Variants in RABGEF1 observed in about 807,000 individuals in gnomAD.
The protein encoded by RABGEF1 is rab5 GDP/GTP exchange factor.
RABGEF1 carries 26 observed loss-of-function variants against 57.3 expected under a neutral mutation model. The observed-to-expected ratio is 0.45, with a 90% CI of 0.33 to 0.63. The LOEUF (loss-of-function observed/expected upper bound fraction) is 0.63. RABGEF1 is among the 20% of genes least tolerant of loss of function. The pLI is 0.02. For missense variants in RABGEF1, 464 were observed against 607.6 expected (o/e 0.76, Z 2.48); for synonymous variants, 185 against 210.7 (o/e 0.88, Z 1.06).
intron 3 of RABGEF1, among the ~76,000 whole-genome samples, chr7:66,783,226 C>T (rs1446461876): frequency 6.6e-6 from 1 of 152,168 alleles, no homozygotes; most frequent in Non-Finnish European, 1.5e-5. Flanking sequence ...GCTTTTTTCT[C>T]AAGTAAAATG....
the RABGEF1 span, among the ~76,000 whole-genome samples, chr7:66,659,453 A>G: frequency 2.0e-5 from 3 of 147,292 alleles, no homozygotes; most frequent in African/African-American, 7.4e-5. Flanking sequence ...CTCCATCTCA[A>G]AAAAAAAAAA....
chr7:66,673,804 AG>A, the RABGEF1 span, among the ~76,000 whole-genome samples: 61 of 152,060 alleles, frequency 4.0e-4, no homozygotes, highest in African/African-American at 1.3e-3. Context: ...ACTTGAGCCC[AG>A]GAGTTAGAGG....
At chr7:66,669,053 C>T in the RABGEF1 span, 7 of 152,208 alleles carry the variant, frequency 4.6e-5, no homozygotes, top group South Asian at 4.1e-4. Context: ...CTCAGCAACC[C>T]GGGAGGGCAT....
chr7:66,786,821 T>C (rs62464648), intron 4 of RABGEF1, among the ~76,000 whole-genome samples: 6,009 of 152,326 alleles, frequency 0.039, 167 homozygotes, highest in East Asian at 0.086. Flanking sequence ...CTTACAGTAC[T>C]TCTATACATT....
chr7:66,761,710 T>C (rs1583839599), intron 1 of RABGEF1, among the ~76,000 whole-genome samples: 1 of 151,566 alleles, frequency 6.6e-6, no homozygotes, highest in African/African-American at 2.4e-5. Flanking sequence ...AAAAGGAGGG[T>C]AGGAGAAAGA....
chr7:66,662,902 T>C, the RABGEF1 span, among the ~76,000 whole-genome samples: 1,520 of 150,046 alleles, frequency 0.01, 13 homozygotes, highest in Middle Eastern at 0.035. Context: ...CAGGTGTGCA[T>C]GTGCAAGGTG....
At chr7:66,705,196 T>C (rs1373862403) in intron 1 of RABGEF1, among the ~76,000 whole-genome samples, 1 of 151,584 alleles carries the variant, frequency 6.6e-6, no homozygotes, top group Non-Finnish European at 1.5e-5. Flanking sequence ...AGGTCAGGAG[T>C]TCGAAACAAG....
intron 2 of RABGEF1, chr7:66,774,016 A>C (rs553338011): frequency 9.8e-6 from 3 of 304,694 alleles, no homozygotes; most frequent in Non-Finnish European, 6.5e-6. Flanking sequence ...TCCAAAGCCA[A>C]ATTTATTGCT....
At chr7:66,671,601 TA>T in the RABGEF1 span, among the ~76,000 whole-genome samples, 3 of 152,136 alleles carry the variant, frequency 2.0e-5, no homozygotes, top group South Asian at 6.2e-4. Flanking sequence ...AAGTCTTTTT[TA>T]AAAAACCTCT....
intron 2 of RABGEF1, among the ~76,000 whole-genome samples, chr7:66,719,999 T>G (rs1444760946): frequency 1.3e-5 from 2 of 151,990 alleles, no homozygotes; most frequent in South Asian, 2.1e-4. Flanking sequence ...ATAAAAGAGA[T>G]AAAATATCAA....
intron 1 of RABGEF1, among the ~76,000 whole-genome samples, chr7:66,771,639 T>A (rs1284344335): frequency 1.3e-5 from 2 of 148,328 alleles, no homozygotes; most frequent in South Asian, 2.1e-4. Flanking sequence ...CTTAATTTTT[T>A]ATTTTTTATT....
chr7:66,707,341 T>G (rs1291643230), intron 1 of RABGEF1, among the ~76,000 whole-genome samples: 1 of 152,126 alleles, frequency 6.6e-6, no homozygotes, highest in East Asian at 1.9e-4. Flanking sequence ...GTTCGTTAGG[T>G]CTGGTTGGCA....
At chr7:66,797,643 A>T in intron 6 of RABGEF1, 137 bp downstream of exon 6, 1 of 970,952 alleles carries the variant, frequency 1.0e-6, no homozygotes, top group Non-Finnish European at 1.5e-6. Flanking sequence ...GAGTGGAAGC[A>T]GCTCTGTTGT....
chr7:66,756,078 G>T (rs1480297879), intron 1 of RABGEF1: 9 of 1,480,580 alleles, frequency 6.1e-6, no homozygotes, highest in African/African-American at 5.6e-5. Context: ...TACCATGAAG[G>T]TGAGTACTGA....
At position 66,809,027 on chromosome 7, in the gene RABGEF1, G is replaced by T. The variant is rs569900333; in HGVS notation, c.1219G>T (p.Val407Phe). 1.2e-6 allele frequency: 2 copies of T among 1,614,104 alleles called. No individual in the cohort carries two copies. The highest frequency in any genetic ancestry group is 2.7e-5 in the African/African-American group (2 of 75,004). The change falls in exon 9 of 9, where the codon GTC (valine) becomes TTC (phenylalanine). Residue 407 changes from valine (V) to phenylalanine (F), a missense_variant. By Grantham distance (50) the Val-to-Phe change is conservative. Coordinates refer to ENST00000284957, the MANE Select transcript of RABGEF1 (RefSeq NM_014504.3). The part of the protein sequence containing the change: ...ESWSPDACLG[V>F]KQMYKNLDLL... Reference sequence around the variant, plus strand: ...TTGGTCTCCTGATGCTTGCTTAGGCGTCAAGCAAATGTATAAGAACTTGGA... The same window carrying T: ...TTGGTCTCCTGATGCTTGCTTAGGCTTCAAGCAAATGTATAAGAACTTGGA...
chr7:66,695,519 C>T (rs1792192042), intron 1 of RABGEF1, among the ~76,000 whole-genome samples: 1 of 152,212 alleles, frequency 6.6e-6, no homozygotes, highest in Non-Finnish European at 1.5e-5. Flanking sequence ...ACAAGAGTTG[C>T]TGCAGCCCCT....
chr7:66,763,102 G>C (rs1413806199), intron 1 of RABGEF1, among the ~76,000 whole-genome samples: 1 of 152,168 alleles, frequency 6.6e-6, no homozygotes, highest in South Asian at 2.1e-4. Context: ...GCCTCAATCA[G>C]TCGTCCTACT....
intron 1 of RABGEF1, among the ~76,000 whole-genome samples, chr7:66,747,190 G>A (rs1052626770): frequency 4.6e-5 from 7 of 152,186 alleles, no homozygotes; most frequent in African/African-American, 1.7e-4. Context: ...TTAATTAAAT[G>A]TGGTTAAAAG....
At chr7:66,687,725 T>C (rs2707849) in intron 1 of RABGEF1, among the ~76,000 whole-genome samples, 76,329 of 151,936 alleles carry the variant, frequency 0.5, 20,106 homozygotes, top group East Asian at 0.74. Flanking sequence ...AATACAGACT[T>C]ACTTTAGATA....
Sources: gnomAD v4.1 joint callset for allele counts (sites outside exome capture counted in the v4.1 genomes callset) on GRCh38, gnomAD v4.1.1 for gene constraint, MANE v1.5 for transcripts, NCBI Gene and HGNC (gene_info 2026-07-23, HGNC 2026-07-21) for gene names.